Variants in USP9Y observed in about 807,000 individuals in gnomAD.
USP9Y encodes the protein ubiquitin carboxyl-terminal hydrolase 9Y.
USP9Y carries 41 observed loss-of-function variants against 53.1 expected under a neutral mutation model. The observed-to-expected ratio is 0.77, with a 90% CI of 0.60 to 1.00. The LOEUF (loss-of-function observed/expected upper bound fraction) is 1.00, where lower values mean the gene tolerates loss of function less well. Ranked by LOEUF, USP9Y falls within the 50% of genes least tolerant of loss-of-function variation. USP9Y has a pLI of 0.00. For missense variants in USP9Y, 567 were observed against 535.8 expected (o/e 1.06, Z -0.58); for synonymous variants, 220 against 173.7 (o/e 1.27, Z -2.09).
chrY:12,810,142 G>A (rs1223709539), intron 27 of USP9Y, 37 bp from the exon 28 acceptor site: 5 of 366,035 alleles, frequency 1.4e-5, no homozygotes, highest in Non-Finnish European at 2.0e-5. Flanking sequence ...GAATTATTTT[G>A]TTGTTGTTCA....
At chrY:12,794,949 A>G (rs2053511664) in intron 27 of USP9Y, among the ~76,000 whole-genome samples, 2 of 33,059 alleles carry the variant, frequency 6.0e-5, no homozygotes, top group African/African-American at 2.4e-4. Flanking sequence ...GGTTATTTGG[A>G]CCTTCTAGGT....
At chrY:12,813,644 T>A (rs538545187) in intron 31 of USP9Y, among the ~76,000 whole-genome samples, 6 of 33,946 alleles carry the variant, frequency 1.8e-4, no homozygotes, top group African/African-American at 6.8e-4. Flanking sequence ...ACCCAAGGCT[T>A]AAAAATATAA....
chrY:12,841,055 G>A lies in USP9Y; in HGVS notation c.6134G>A (p.Ser2045Asn). 1 of 395,349 alleles carries A rather than the reference G, an allele frequency of 2.5e-6. No individual in the cohort carries two copies. Among genetic ancestry groups the A allele is most frequent in the Non-Finnish European group, 3.6e-6 (1 of 280,769 alleles). The change falls in exon 37 of 46, where the codon AGT (serine) becomes AAT (asparagine). Residue 2045 changes from serine (S) to asparagine (N), a missense_variant. Transcript: ENST00000338981. ...LPEAEEITMI[S>N]IQLAARFLFT... ...GAAGCAGAAGAAATTACTATGATTA[G>A]TATTCAGCTTGCTGCTAGATTCCTC...
chrY:12,774,239 G>C, intron 17 of USP9Y, among the ~76,000 whole-genome samples: 1 of 32,838 alleles, frequency 3.0e-5, no homozygotes, highest in Non-Finnish European at 7.5e-5. Context: ...GAGGCAGGCA[G>C]ATCACAAGGT....
At chrY:12,716,899 C>T (rs376645226) in intron 3 of USP9Y, among the ~76,000 whole-genome samples, 2 of 34,245 alleles carry the variant, frequency 5.8e-5, no homozygotes, top group Non-Finnish European at 1.5e-4. Context: ...TGAGCCCCCA[C>T]GCCCGGCCTC....
intron 32 of USP9Y, among the ~76,000 whole-genome samples, chrY:12,816,892 A>T (rs2053537075): frequency 2.9e-5 from 1 of 34,168 alleles, no homozygotes; most frequent in Non-Finnish European, 7.3e-5. Context: ...GCAGTAAAAA[A>T]GTTAGGTTTT....
At chrY:12,729,062 G>A (rs985808885) in intron 7 of USP9Y, among the ~76,000 whole-genome samples, 1 of 33,564 alleles carries the variant, frequency 3.0e-5, no homozygotes, top group African/African-American at 1.2e-4. Flanking sequence ...CACAATACCC[G>A]GCTGATTTAT....
At chrY:12,776,960 G>T in intron 19 of USP9Y, 100 bp downstream of exon 19, 1 of 195,172 alleles carries the variant, frequency 5.1e-6, no homozygotes, top group Non-Finnish European at 8.9e-6. Context: ...GAAAGTGGGG[G>T]ATATTCTTAT....
chrY:12,702,753 A>G (rs1005463957), intron 1 of USP9Y, among the ~76,000 whole-genome samples: 1 of 33,101 alleles, frequency 3.0e-5, no homozygotes, highest in African/African-American at 1.2e-4. Context: ...CTTTGCCTGT[A>G]TTTCTGTCTT....
chrY:12,820,692 T>C, intron 33 of USP9Y, among the ~76,000 whole-genome samples: 1 of 33,560 alleles, frequency 3.0e-5, no homozygotes, highest in Non-Finnish European at 7.4e-5. Flanking sequence ...ACAATTCTGT[T>C]CCTGTTCTTC....
chrY:12,853,047 G>A (rs1022071121), intron 42 of USP9Y, among the ~76,000 whole-genome samples: 4 of 33,744 alleles, frequency 1.2e-4, no homozygotes. Context: ...CACTGTGTTG[G>A]TAGAACCACA....
At chrY:12,782,965 GT>G (rs2053499384) in intron 22 of USP9Y, among the ~76,000 whole-genome samples, 1 of 33,929 alleles carries the variant, frequency 2.9e-5, no homozygotes, top group Non-Finnish European at 7.3e-5. Context: ...ACCTCTGCTA[GT>G]TTTAAGCTTT....
At chrY:12,748,106 A>G (rs759051795) in intron 12 of USP9Y, among the ~76,000 whole-genome samples, 26 of 32,849 alleles carry the variant, frequency 7.9e-4, no homozygotes, top group Non-Finnish European at 1.7e-3. Context: ...AGTGAGCCGC[A>G]CTGCGGCACT....
At position 12,838,056 on chromosome Y, in the gene USP9Y, T is replaced by A. The variant is rs1365598600; in HGVS notation, c.5337+4T>A. Reference sequence around the variant, plus strand: ...TTGTGAAAAATGTGATAAAAAGGTATTTTTTTTTACTTTTGAAAAATAATG... The same window carrying A: ...TTGTGAAAAATGTGATAAAAAGGTAATTTTTTTTACTTTTGAAAAATAATG... On this transcript the variant is annotated splice_donor_region_variant and intron_variant, in intron 35 of 45. Coordinates refer to ENST00000338981, the MANE Select transcript of USP9Y (RefSeq NM_004654.4). The A allele has an allele frequency of 2.8e-5, 9 of 317,951 alleles. No homozygotes were observed. The highest frequency in any genetic ancestry group is 2.7e-4 in the Admixed American group (3 of 11,160). 79.3% of individuals were successfully genotyped at this position (317,951 alleles called of 400,897 possible).
At chrY:12,726,196 T>C in intron 6 of USP9Y, among the ~76,000 whole-genome samples, 2 of 33,256 alleles carry the variant, frequency 6.0e-5, no homozygotes, top group African/African-American at 2.3e-4. Context: ...GGGGTGGAAA[T>C]TGAAATTTTG....
At chrY:12,765,297 C>G in intron 15 of USP9Y, among the ~76,000 whole-genome samples, 2 of 32,331 alleles carry the variant, frequency 6.2e-5, no homozygotes, top group African/African-American at 2.4e-4. Flanking sequence ...GTCTTGCTGT[C>G]TCAGGGGTGT....
chrY:12,735,535 T>G (rs2053450691), intron 7 of USP9Y, 77 bp from the exon 8 acceptor site: 1 of 190,674 alleles, frequency 5.2e-6, no homozygotes, highest in African/African-American at 8.4e-5. Context: ...TCTAGTATGC[T>G]TCACACAAAT....
chrY:12,784,829 C>T, intron 22 of USP9Y, among the ~76,000 whole-genome samples: 1 of 32,876 alleles, frequency 3.0e-5, no homozygotes, highest in African/African-American at 1.2e-4. Context: ...CAGTGTGTTT[C>T]CTTAGAACAA....
At chrY:12,792,560 T>A in intron 26 of USP9Y, among the ~76,000 whole-genome samples, 1 of 34,489 alleles carries the variant, frequency 2.9e-5, no homozygotes, top group Non-Finnish European at 7.2e-5. Context: ...TAGGAATAGT[T>A]GAATGGTTAT....
Sources: gnomAD v4.1 joint callset for allele counts (sites outside exome capture counted in the v4.1 genomes callset) on GRCh38, gnomAD v4.1.1 for gene constraint, MANE v1.5 for transcripts, NCBI Gene and HGNC (gene_info 2026-07-23, HGNC 2026-07-21) for gene names.